The following DOCK4 variants were observed in gnomAD, a reference collection of about 807,000 sequenced individuals.
DOCK4 encodes the protein dedicator of cytokinesis protein 4.
In DOCK4, 97 loss-of-function variants were observed where a neutral mutation model predicts 268.1. The ratio of observed to expected loss-of-function variants is 0.36; its 90% CI spans 0.31 to 0.43. The LOEUF is 0.43. Among genes scored for constraint, DOCK4 ranks in the 20% least tolerant of loss-of-function variants. The pLI is 1.00. For missense variants in DOCK4, 2,145 were observed against 2,455.7 expected (o/e 0.87, Z 2.67); for synonymous variants, 954 against 887.2 (o/e 1.08, Z -1.34).
chr7:112,120,374 G>A (rs1301772585), intron 1 of DOCK4, among the ~76,000 whole-genome samples: 1 of 152,088 alleles, frequency 6.6e-6, no homozygotes, highest in African/African-American at 2.4e-5. Context: ...GTAATGCCAT[G>A]AAAAAGAAAT....
chr7:111,838,909 T>C (rs1803455374), intron 25 of DOCK4, among the ~76,000 whole-genome samples: 1 of 152,240 alleles, frequency 6.6e-6, no homozygotes, highest in Non-Finnish European at 1.5e-5. Flanking sequence ...ATGACAACAC[T>C]ATGATTTATG....
At chr7:112,132,473 A>C (rs1232150502) in intron 1 of DOCK4, among the ~76,000 whole-genome samples, 1 of 152,202 alleles carries the variant, frequency 6.6e-6, no homozygotes, top group African/African-American at 2.4e-5. Flanking sequence ...TAAAAATAGC[A>C]TCAACAACAT....
At position 111,790,544 on chromosome 7, in the gene DOCK4, T is replaced by C; in HGVS notation, c.3228A>G (p.Ile1076Met). The change falls in exon 31 of 53, where the codon ATA (isoleucine) becomes ATG (methionine). Residue 1076 changes from isoleucine to methionine, a missense_variant. Physicochemically the swap from Ile to Met is conservative, Grantham distance 10 (BLOSUM62 1). Coordinates refer to ENST00000428084, the MANE Select transcript of DOCK4 (RefSeq NM_001363540.2). ...LIGPFLEVTL[I>M]PQPDLRNVMI... is the part of the protein sequence containing the mutation. Reference sequence around the variant, plus strand: ...TGACATTCCGAAGATCTGGCTGGGGTATCAAGGTCACTTCTAGGAAGGGGC... The same window carrying C: ...TGACATTCCGAAGATCTGGCTGGGGCATCAAGGTCACTTCTAGGAAGGGGC... 6.2e-7 allele frequency: 1 copy of C among 1,613,792 alleles called. No individual in the cohort carries two copies. The highest frequency in any genetic ancestry group is 1.1e-5 in the South Asian group (1 of 91,054).
intron 23 of DOCK4, among the ~76,000 whole-genome samples, chr7:111,849,271 T>TG (rs1804354454): frequency 6.6e-6 from 1 of 151,246 alleles, no homozygotes. Flanking sequence ...ACTTTTTTTT[T>TG]TTTTTTTTTG....
intron 1 of DOCK4, among the ~76,000 whole-genome samples, chr7:112,068,532 A>G (rs1438706718): frequency 6.6e-6 from 1 of 152,244 alleles, no homozygotes; most frequent in Non-Finnish European, 1.5e-5. Context: ...GGTGAGAATT[A>G]GACAAAAGAA....
chr7:112,044,152 G>C (rs916471561), intron 1 of DOCK4, among the ~76,000 whole-genome samples: 10 of 152,116 alleles, frequency 6.6e-5, no homozygotes, highest in African/African-American at 2.4e-4. Flanking sequence ...TAGGTATGTG[G>C]GAGAATGAGG....
chr7:111,837,074 G>A (rs1803293986), intron 25 of DOCK4, among the ~76,000 whole-genome samples: 1 of 151,678 alleles, frequency 6.6e-6, no homozygotes, highest in Non-Finnish European at 1.5e-5. Flanking sequence ...ATTACACCAA[G>A]GCACATCATA....
At chr7:112,157,737 C>A (rs1816751655) in intron 1 of DOCK4, among the ~76,000 whole-genome samples, 1 of 152,152 alleles carries the variant, frequency 6.6e-6, no homozygotes, top group South Asian at 2.1e-4. Context: ...GGCATGACTT[C>A]CGCTAAGGCT....
chr7:112,117,546 T>A (rs1812294000), intron 1 of DOCK4, among the ~76,000 whole-genome samples: 1 of 152,114 alleles, frequency 6.6e-6, no homozygotes, highest in Non-Finnish European at 1.5e-5. Context: ...AATTTTTGTA[T>A]TTTTAGTAGA....
intron 1 of DOCK4, among the ~76,000 whole-genome samples, chr7:112,108,564 C>A (rs1287049541): frequency 6.6e-6 from 1 of 152,170 alleles, no homozygotes; most frequent in Non-Finnish European, 1.5e-5. Context: ...GGCAATAAGA[C>A]ATTTATTTAT....
chr7:111,986,114 C>A (rs753811131), intron 6 of DOCK4, among the ~76,000 whole-genome samples: 3 of 152,108 alleles, frequency 2.0e-5, no homozygotes, highest in Non-Finnish European at 2.9e-5. Context: ...GACCTAAGGA[C>A]AAATAACCCA....
At chr7:112,155,653 C>A (rs961481544) in intron 1 of DOCK4, among the ~76,000 whole-genome samples, 1 of 152,164 alleles carries the variant, frequency 6.6e-6, no homozygotes, top group African/African-American at 2.4e-5. Flanking sequence ...AGTTAGGAGT[C>A]CCAGACTGTG....
chr7:111,953,410 A>T (rs1796212155), intron 8 of DOCK4, among the ~76,000 whole-genome samples: 1 of 152,156 alleles, frequency 6.6e-6, no homozygotes, highest in Non-Finnish European at 1.5e-5. Flanking sequence ...GCAATAGAAT[A>T]CAAACGTAAG....
At chr7:111,876,948 CTT>C in intron 17 of DOCK4, 80 bp downstream of exon 17, 1 of 1,203,128 alleles carries the variant, frequency 8.3e-7, no homozygotes, top group Non-Finnish European at 1.1e-6. Flanking sequence ...TTAACTATCA[CTT>C]TGGTGTTTAC....
intron 1 of DOCK4, among the ~76,000 whole-genome samples, chr7:112,039,481 G>A (rs1410961317): frequency 6.6e-6 from 1 of 151,058 alleles, no homozygotes; most frequent in Non-Finnish European, 1.5e-5. Flanking sequence ...TGTTGTTGCT[G>A]TTGTTGTTGT....
At chr7:112,085,707 C>T (rs1284051891) in intron 1 of DOCK4, among the ~76,000 whole-genome samples, 1 of 152,098 alleles carries the variant, frequency 6.6e-6, no homozygotes, top group Non-Finnish European at 1.5e-5. Context: ...CAGTGATCAT[C>T]AATGGATGCT....
intron 1 of DOCK4, among the ~76,000 whole-genome samples, chr7:112,050,919 CTGA>C (rs1426497915): frequency 6.6e-6 from 1 of 152,016 alleles, no homozygotes; most frequent in African/African-American, 2.4e-5. Context: ...TTAATAATTT[CTGA>C]TAATGGCATT....
chr7:111,746,206 G>A, intron 44 of DOCK4, 128 bp downstream of exon 44: 1 of 657,846 alleles, frequency 1.5e-6, no homozygotes, highest in South Asian at 2.3e-5. Context: ...ATATATTACA[G>A]GAATCTGTCA....
intron 1 of DOCK4, among the ~76,000 whole-genome samples, chr7:112,182,162 C>A (rs1162226177): frequency 6.6e-6 from 1 of 152,216 alleles, no homozygotes; most frequent in East Asian, 1.9e-4. Context: ...GCTATTAACA[C>A]TGCCTACCCC....
Sources: gnomAD v4.1 joint callset for allele counts (sites outside exome capture counted in the v4.1 genomes callset) on GRCh38, gnomAD v4.1.1 for gene constraint, MANE v1.5 for transcripts, NCBI Gene and HGNC (gene_info 2026-07-23, HGNC 2026-07-21) for gene names.